The following CNIH3 variants were observed in gnomAD, a reference collection of about 807,000 sequenced individuals.
CNIH3 encodes the protein protein cornichon homolog 3.
Under a neutral mutation model 24.1 loss-of-function variants are expected in CNIH3, and 14 were observed. That is an observed-to-expected ratio of 0.58 (90% CI 0.38 to 0.91). The LOEUF is 0.91. CNIH3 is among the 40% of genes least tolerant of loss of function. The probability of loss-of-function intolerance (pLI) is 0.00; values close to 1 mark genes in which losing one functional copy is unlikely to be tolerated. For synonymous variants in CNIH3, 68 were observed against 73.8 expected (o/e 0.92, Z 0.40); for missense variants, 178 against 196.8 (o/e 0.90, Z 0.57).
At chr1:224,545,353 T>C (rs1679662717) in intron 2 of CNIH3, among the ~76,000 whole-genome samples, 1 of 152,232 alleles carries the variant, frequency 6.6e-6, no homozygotes, top group South Asian at 2.1e-4. Context: ...CTTTCTATTA[T>C]AACGTTCAGA....
chr1:224,521,977 G>A (rs1678653049), intron 2 of CNIH3, among the ~76,000 whole-genome samples: 1 of 152,174 alleles, frequency 6.6e-6, no homozygotes, highest in Non-Finnish European at 1.5e-5. Flanking sequence ...TAGAATGGAA[G>A]GCAATAAAGT....
At chr1:224,489,909 G>A (rs541923881) in intron 1 of CNIH3, among the ~76,000 whole-genome samples, 4 of 152,308 alleles carry the variant, frequency 2.6e-5, no homozygotes, top group African/African-American at 9.6e-5. Flanking sequence ...TCCCATTGAT[G>A]AGGACCCCAC....
chr1:224,675,628 A>G (rs1026069655), intron 1 of CNIH3, among the ~76,000 whole-genome samples: 8 of 152,240 alleles, frequency 5.3e-5, no homozygotes, highest in African/African-American at 1.9e-4. Context: ...ATCAGTAACA[A>G]AAAAACCAGC....
intron 3 of CNIH3, among the ~76,000 whole-genome samples, chr1:224,611,092 A>G (rs543328500): frequency 6.6e-6 from 1 of 152,146 alleles, no homozygotes; most frequent in East Asian, 1.9e-4. Context: ...ATTCACTTGC[A>G]ACTAGGTAGT....
chr1:224,502,667 T>G (rs915503510), intron 1 of CNIH3, among the ~76,000 whole-genome samples: 2 of 150,388 alleles, frequency 1.3e-5, no homozygotes, highest in African/African-American at 4.9e-5. Context: ...GCAACCCCCC[T>G]GCTTACATTC....
At chr1:224,736,537 G>A (rs1455446205) in intron 5 of CNIH3, among the ~76,000 whole-genome samples, 2 of 152,226 alleles carry the variant, frequency 1.3e-5, no homozygotes, top group Non-Finnish European at 2.9e-5. Context: ...TGGGCTTATA[G>A]CTACCTATTC....
chr1:224,506,853 A>G (rs541787979), intron 1 of CNIH3, among the ~76,000 whole-genome samples: 5 of 152,154 alleles, frequency 3.3e-5, no homozygotes, highest in Non-Finnish European at 7.4e-5. Flanking sequence ...TCATACTCAT[A>G]AAAGAAGGAA....
chr1:224,474,764 A>T (rs902079143), intron 1 of CNIH3, among the ~76,000 whole-genome samples: 2 of 152,040 alleles, frequency 1.3e-5, no homozygotes, highest in Admixed American at 1.3e-4. Flanking sequence ...CCGGTGGCTC[A>T]CGCCTGTAAT....
At chr1:224,446,484 A>G (rs1000105762) in intron 1 of CNIH3, among the ~76,000 whole-genome samples, 2 of 152,070 alleles carry the variant, frequency 1.3e-5, no homozygotes, top group Non-Finnish European at 2.9e-5. Flanking sequence ...GAAGTCTTGT[A>G]CATCTTTTTC....
At chr1:224,540,784 G>T (rs1679483030), downstream of CNIH3, among the ~76,000 whole-genome samples, 1 of 152,124 alleles carries the variant, frequency 6.6e-6, no homozygotes, top group African/African-American at 2.4e-5. Flanking sequence ...AAACTTGCAT[G>T]TTGGAATTCT....
chr1:224,629,479 A>G (rs1306096137), intron 1 of CNIH3, among the ~76,000 whole-genome samples: 2 of 152,102 alleles, frequency 1.3e-5, no homozygotes, highest in African/African-American at 2.4e-5. Flanking sequence ...AATATTTTAC[A>G]GAGTTTGACT....
intron 1 of CNIH3, among the ~76,000 whole-genome samples, chr1:224,448,280 C>T (rs1478878790): frequency 6.6e-6 from 1 of 152,116 alleles, no homozygotes; most frequent in African/African-American, 2.4e-5. Flanking sequence ...TGGAGATCCT[C>T]ACAGAGCATC....
intron 3 of CNIH3, among the ~76,000 whole-genome samples, chr1:224,713,473 T>C (rs1688265251): frequency 6.6e-6 from 1 of 152,164 alleles, no homozygotes; most frequent in Non-Finnish European, 1.5e-5. Flanking sequence ...GCAGTCCTGT[T>C]TGAGTCACTA....
At chr1:224,619,616 C>T (rs932156437) in intron 1 of CNIH3, among the ~76,000 whole-genome samples, 3 of 152,048 alleles carry the variant, frequency 2.0e-5, no homozygotes, top group African/African-American at 4.8e-5. Context: ...TTTCAGGGCA[C>T]GGTTTGTATG....
At chr1:224,539,325 C>A (rs1470366262), downstream of CNIH3, among the ~76,000 whole-genome samples, 1 of 152,170 alleles carries the variant, frequency 6.6e-6, no homozygotes, top group Non-Finnish European at 1.5e-5. Flanking sequence ...CATCAATTGC[C>A]AAGTTCTGTC....
chr1:224,719,072 A>G (rs1688580709), intron 3 of CNIH3: 2 of 152,190 alleles, frequency 1.3e-5, no homozygotes, highest in South Asian at 2.1e-4. Flanking sequence ...TGCCTGCCAC[A>G]GTGTTTGACA....
At chr1:224,563,457 C>CA (rs1680455871) in intron 3 of CNIH3, among the ~76,000 whole-genome samples, 1 of 108,036 alleles carries the variant, frequency 9.3e-6, no homozygotes, top group African/African-American at 4.3e-5. Context: ...ATATTTTAGA[C>CA]GGGGTGTGTG....
chr1:224,691,841 C>A (rs1185820466), intron 3 of CNIH3, among the ~76,000 whole-genome samples: 1 of 152,182 alleles, frequency 6.6e-6, no homozygotes, highest in Non-Finnish European at 1.5e-5. Context: ...TGATCTTATT[C>A]TTTGCCAGAG....
chr1:224,591,756 C>G (rs943157626), downstream of CNIH3, among the ~76,000 whole-genome samples: 5 of 152,192 alleles, frequency 3.3e-5, no homozygotes, highest in African/African-American at 1.2e-4. Flanking sequence ...AGAACTCAAG[C>G]TTTAGAGTCA....
Sources: gnomAD v4.1 joint callset for allele counts (sites outside exome capture counted in the v4.1 genomes callset) on GRCh38, gnomAD v4.1.1 for gene constraint, MANE v1.5 for transcripts, NCBI Gene and HGNC (gene_info 2026-07-23, HGNC 2026-07-21) for gene names.